ASXL3: variants seen among roughly 807,000 people sequenced by gnomAD.
ASXL3 encodes the protein ASXL transcriptional regulator 3, also known as putative Polycomb group protein ASXL3.
ASXL3 carries 34 observed loss-of-function variants against 170.6 expected under a neutral mutation model. The observed-to-expected ratio is 0.20, with a 90% CI of 0.15 to 0.27. The LOEUF (loss-of-function observed/expected upper bound fraction) is 0.27. Among genes scored for constraint, ASXL3 ranks in the 10% least tolerant of loss-of-function variants. The pLI, the probability that ASXL3 is intolerant of heterozygous loss-of-function variation, is 1.00. For missense variants in ASXL3, 2,592 were observed against 2,695.3 expected (o/e 0.96, Z 0.85); for synonymous variants, 1,002 against 989.1 (o/e 1.01, Z -0.24).
At chr18:33,720,719 A>T (rs2067245029) in intron 8 of ASXL3, among the ~76,000 whole-genome samples, 1 of 152,044 alleles carries the variant, frequency 6.6e-6, no homozygotes, top group Non-Finnish European at 1.5e-5. Flanking sequence ...AAGCTGGTGA[A>T]AGTGTGATCT....
At chr18:33,580,349 C>T (rs1395751848) in intron 1 of ASXL3, among the ~76,000 whole-genome samples, 57 of 152,126 alleles carry the variant, frequency 3.7e-4, no homozygotes, top group Admixed American at 3.7e-3. Context: ...ATTGTTTGCT[C>T]GGCCATTAAT....
intron 7 of ASXL3, 43 bp downstream of exon 7, chr18:33,671,909 T>A: frequency 6.8e-7 from 1 of 1,468,670 alleles, no homozygotes; most frequent in Non-Finnish European, 9.1e-7. Context: ...TTTAGAAATT[T>A]GTGTTTTCTC....
chr18:33,739,185 T>A lies in ASXL3; in HGVS notation c.1781T>A (p.Leu594Gln). ...PNEGIAIDME[L>Q]QSDPEEQLSE... ...GAAGGAATTGCTATAGATATGGAGC[T>A]ACAGAGTGACCCTGAAGAACAGCTT... is the stretch of plus-strand genomic sequence containing the variant. The change falls in exon 11 of 12, where the codon CTA (leucine) becomes CAA (glutamine). Residue 594 changes from leucine (L) to glutamine (Q), a missense_variant. Leu to Gln is a moderately radical substitution (Grantham distance 113, BLOSUM62 -2). This residue lies in a region of ASXL3 where 2,246 missense variants were observed against 2,219.6 expected (regional missense o/e 1.01). Transcript: ENST00000269197. 1 of 1,613,884 alleles carries A rather than the reference T, an allele frequency of 6.2e-7. No individual in the cohort carries two copies. The highest frequency in any genetic ancestry group is 8.5e-7 in the Non-Finnish European group (1 of 1,179,850).
intron 7 of ASXL3, among the ~76,000 whole-genome samples, chr18:33,672,675 A>C (rs981690564): frequency 1.3e-5 from 2 of 152,194 alleles, no homozygotes; most frequent in African/African-American, 4.8e-5. Context: ...GAAACTGCAA[A>C]TTTATTGACG....
rs2067855802 is a variant in ASXL3 at position 33,749,811 on chromosome 18, C to T, written c.*3216C>T. ...GGATGGTATGTGTTTCTGGGATGAG[C>T]TATATAGAAAGTTTAGTTGACTGCT... On this transcript the variant is annotated 3_prime_UTR_variant, in exon 12 of 12. Transcript: ENST00000269197. The T allele has an allele frequency of 6.6e-6, 1 of 152,076 alleles. No individual in the cohort carries two copies. Among genetic ancestry groups the T allele is most frequent in the African/African-American group, 2.4e-5 (1 of 41,414 alleles). The allele number at this position is 152,076 out of a possible 1,614,324, so 9.4% of individuals were successfully genotyped here. A position where few individuals can be genotyped will look rare whatever the true frequency, so the allele number is the denominator to read the frequency against.
intron 2 of ASXL3, among the ~76,000 whole-genome samples, chr18:33,623,984 C>T (rs911274004): frequency 7.9e-5 from 12 of 151,950 alleles, no homozygotes; most frequent in Non-Finnish European, 1.2e-4. Context: ...TATAGCAAGA[C>T]CCCTTATGTA....
At chr18:33,654,596 T>G (rs894289563) in intron 4 of ASXL3, among the ~76,000 whole-genome samples, 9 of 152,166 alleles carry the variant, frequency 5.9e-5, no homozygotes, top group Admixed American at 1.3e-4. Context: ...CCTGTCCACT[T>G]TTTTCTGTTT....
intron 8 of ASXL3, among the ~76,000 whole-genome samples, chr18:33,711,900 C>A (rs1431505391): frequency 2.6e-5 from 4 of 152,184 alleles, no homozygotes; most frequent in African/African-American, 9.6e-5. Context: ...GACATTCCTG[C>A]AGTTGCTGGA....
intron 8 of ASXL3, among the ~76,000 whole-genome samples, chr18:33,717,468 T>C (rs909939968): frequency 6.6e-6 from 1 of 152,162 alleles, no homozygotes; most frequent in Non-Finnish European, 1.5e-5. Flanking sequence ...TTCTAGTTCA[T>C]ATAACAGCAT....
intron 11 of ASXL3, among the ~76,000 whole-genome samples, chr18:33,741,162 A>G (rs2067654779): frequency 6.6e-6 from 1 of 152,202 alleles, no homozygotes; most frequent in African/African-American, 2.4e-5. Context: ...CTTACTATGC[A>G]TTTTAATTTC....
chr18:33,670,854 G>A (rs1474456999), intron 6 of ASXL3, 64 bp downstream of exon 6: 1 of 1,083,120 alleles, frequency 9.2e-7, no homozygotes, highest in Non-Finnish European at 1.3e-6. Flanking sequence ...CTCACTGAAA[G>A]AGATGTCATG....
chr18:33,597,807 C>CA (rs995373355), intron 1 of ASXL3, among the ~76,000 whole-genome samples: 36 of 137,810 alleles, frequency 2.6e-4, no homozygotes, highest in East Asian at 2.3e-3. Context: ...AAAAAAAAAA[C>CA]AAAAAAAACA....
rs1287555850 is a variant in ASXL3 at position 33,739,306 on chromosome 18, C to A, written c.1902C>A (p.Ser634=). The A allele has an allele frequency of 6.2e-7, 1 of 1,613,428 alleles. No individual in the cohort carries two copies. The highest frequency in any genetic ancestry group is 1.1e-5 in the South Asian group (1 of 90,988). Residue 634 remains serine, a synonymous_variant, in exon 11 of 12, where the codon TCC becomes TCA. Transcript: ENST00000269197. ...CTTCTCCAGGAGGGGAAACACAGTC[C>A]ACATCAGAAGAATCATGTACTCCAG... ...SLPSPGGETQ[S]TSEESCTPAS...
intron 8 of ASXL3, among the ~76,000 whole-genome samples, chr18:33,712,552 GT>G (rs1235636243): frequency 1.3e-5 from 2 of 152,132 alleles, no homozygotes; most frequent in African/African-American, 4.8e-5. Flanking sequence ...TCTTGTGATT[GT>G]TCTGAAACAA....
rs975921765 is a variant in ASXL3 at position 33,610,786 on chromosome 18, A to G, written c.137+3110A>G. On this transcript the variant is annotated intron_variant, in intron 2 of 11. Coordinates refer to ENST00000269197, the MANE Select transcript of ASXL3 (RefSeq NM_030632.3). ...GTTAGAAGCTTCTTTTTGACATTAC[A>G]TGTTATATTTTTATGATATTTAATA... Among the ~76,000 whole-genome samples the G allele has an allele frequency of 2.6e-5, 4 of 151,032 alleles. No individual in the cohort carries two copies. In the South Asian group the frequency reaches 6.3e-4, roughly 24 times the overall value.
At chr18:33,580,464 A>G (rs2064982536) in intron 1 of ASXL3, among the ~76,000 whole-genome samples, 2 of 152,234 alleles carry the variant, frequency 1.3e-5, no homozygotes, top group South Asian at 4.1e-4. Flanking sequence ...ATTTTAAGCA[A>G]GTGAACAATG....
intron 8 of ASXL3, among the ~76,000 whole-genome samples, chr18:33,716,833 G>A (rs1164174438): frequency 6.6e-6 from 1 of 150,754 alleles, no homozygotes; most frequent in South Asian, 2.1e-4. Flanking sequence ...ATTACTCAGT[G>A]TAATACTTTC....
intron 8 of ASXL3, among the ~76,000 whole-genome samples, chr18:33,722,062 G>A (rs959178632): frequency 2.0e-5 from 3 of 151,962 alleles, no homozygotes; most frequent in African/African-American, 7.2e-5. Context: ...ATAAGACAGT[G>A]AACTTAATCC....
At chr18:33,709,708 T>C (rs1245582886) in intron 8 of ASXL3, among the ~76,000 whole-genome samples, 1 of 152,222 alleles carries the variant, frequency 6.6e-6, no homozygotes, top group Non-Finnish European at 1.5e-5. Context: ...GTAAAAGTGA[T>C]TCGAGCCATG....
Sources: gnomAD v4.1 joint callset for allele counts (sites outside exome capture counted in the v4.1 genomes callset) on GRCh38, gnomAD v4.1.1 for gene constraint, gnomAD v4.1.1 regional missense constraint, MANE v1.5 for transcripts, NCBI Gene and HGNC (gene_info 2026-07-23, HGNC 2026-07-21) for gene names.